SCYL3: variants seen among roughly 807,000 people sequenced by gnomAD.
The protein encoded by SCYL3 is protein-associating with the carboxyl-terminal domain of ezrin.
A neutral mutation model predicts 73.8 loss-of-function variants in SCYL3; 35 were observed. The ratio of observed to expected loss-of-function variants is 0.47; its 90% CI spans 0.36 to 0.63. The LOEUF is 0.63. Ranked by LOEUF, SCYL3 falls within the 20% of genes least tolerant of loss-of-function variation. The pLI, the probability that SCYL3 is intolerant of heterozygous loss-of-function variation, is 0.00. For missense variants in SCYL3, 712 were observed against 798.9 expected (o/e 0.89, Z 1.31); for synonymous variants, 277 against 295.2 (o/e 0.94, Z 0.63).
chr1:169,873,800 T>C (rs766313104), intron 4 of SCYL3, 48 bp from the exon 5 acceptor site: 9 of 1,347,652 alleles, frequency 6.7e-6, no homozygotes, highest in Non-Finnish European at 6.3e-6. Flanking sequence ...ATATGTTTGG[T>C]GAACTAATCT....
chr1:169,850,549 G>A lies in SCYL3; in HGVS notation c.*3164C>T. The A allele has an allele frequency of 2.3e-6, 1 of 444,326 alleles. No individual in the cohort carries two copies. The highest frequency in any genetic ancestry group is 3.0e-5 in the South Asian group (1 of 33,498). The allele number at this position is 444,326 out of a possible 1,614,324, so 27.5% of individuals were successfully genotyped here. ...GCGGCGGCTCATGCCTGTAATCCCA[G>A]CACTTTGGGAGGCCAAGGTGGGTGG... On this transcript the variant is annotated 3_prime_UTR_variant, in exon 13 of 13. Transcript: ENST00000367771.
intron 2 of SCYL3, among the ~76,000 whole-genome samples, chr1:169,881,960 A>G (rs1430201004): frequency 1.3e-5 from 2 of 152,226 alleles, no homozygotes; most frequent in South Asian, 4.1e-4. Flanking sequence ...CAGTCCTCAC[A>G]GCCCTCGCTC....
chr1:169,859,118 A>G lies in SCYL3; in HGVS notation c.1235T>C (p.Val412Ala), dbSNP rs144488400. 11 of 1,613,878 alleles carry G rather than the reference A, an allele frequency of 6.8e-6. No homozygotes were observed. Among genetic ancestry groups the G allele is most frequent in the Non-Finnish European group, 9.3e-6 (11 of 1,179,992 alleles). ...VLVSLLGPEV[V>A]VGGERTKIFK... ...GATCTTGGTTCGTTCTCCTCCCACA[A>G]CCACCTCTGGTCCAAGCAGAGAGAC... The change falls in exon 11 of 13, where the codon GTT (valine) becomes GCT (alanine). Residue 412 changes from valine to alanine, a missense_variant. This residue lies in a region of SCYL3 where 370 missense variants were observed against 350.8 expected (regional missense o/e 1.05). Coordinates refer to ENST00000367771, the MANE Select transcript of SCYL3 (RefSeq NM_020423.7).
chr1:169,886,980 G>C (rs1352006561), intron 2 of SCYL3, among the ~76,000 whole-genome samples: 1 of 152,092 alleles, frequency 6.6e-6, no homozygotes. Flanking sequence ...GAGAAAGTGA[G>C]GCAAGCTAAA....
In SCYL3 at chr1:169,851,533, T is replaced by G. The variant is rs1351889909; in HGVS notation, c.*2180A>C. 1.1e-5 allele frequency: 4 copies of G among 364,342 alleles called. No homozygotes were observed. The highest frequency in any genetic ancestry group is 2.0e-5 in the Non-Finnish European group (4 of 200,830). The allele number at this position is 364,342 out of a possible 1,614,324, so 22.6% of individuals were successfully genotyped here. ...ACATCTAAGCTGGATTTTAAGTACA[T>G]GTGTATACACTGCTGTTGCCAGTTT... On this transcript the variant is annotated 3_prime_UTR_variant, in exon 13 of 13. Transcript: ENST00000367771.
chr1:169,881,720 T>C (rs1661275712), intron 2 of SCYL3, among the ~76,000 whole-genome samples: 1 of 152,188 alleles, frequency 6.6e-6, no homozygotes, highest in Non-Finnish European at 1.5e-5. Context: ...TTTACATCAC[T>C]TAACACAGCG....
chr1:169,867,119 TTATGAGACAAATAC>T, intron 7 of SCYL3, 146 bp from the exon 8 acceptor site: 1 of 576,608 alleles, frequency 1.7e-6, no homozygotes, highest in East Asian at 3.1e-5. Flanking sequence ...ACTAAGTAGC[TTATGAGACAAATAC>T]TATGGAACAC....
intron 2 of SCYL3, among the ~76,000 whole-genome samples, chr1:169,884,345 T>A (rs1225288913): frequency 6.6e-6 from 1 of 152,192 alleles, no homozygotes; most frequent in Non-Finnish European, 1.5e-5. Flanking sequence ...TTACCCAGGC[T>A]GGAGTGCAAT....
intron 2 of SCYL3, among the ~76,000 whole-genome samples, chr1:169,882,184 T>C (rs945949956): frequency 6.6e-5 from 10 of 152,180 alleles, no homozygotes; most frequent in South Asian, 4.1e-4. Flanking sequence ...GGGCGTGGGC[T>C]TGGCAGGCCC....
chr1:169,887,618 G>A (rs1661777323), intron 2 of SCYL3, among the ~76,000 whole-genome samples: 1 of 151,974 alleles, frequency 6.6e-6, no homozygotes, highest in Admixed American at 6.5e-5. Flanking sequence ...CCTAGATGAT[G>A]TAAAAAAAGA....
At chr1:169,863,901 C>T (rs1480395364) in intron 9 of SCYL3, among the ~76,000 whole-genome samples, 1 of 151,998 alleles carries the variant, frequency 6.6e-6, no homozygotes, top group Non-Finnish European at 1.5e-5. Context: ...GTTACCATCT[C>T]TAGTGCTATA....
intron 2 of SCYL3, among the ~76,000 whole-genome samples, chr1:169,879,894 A>G (rs1661124791): frequency 6.6e-6 from 1 of 152,230 alleles, no homozygotes; most frequent in East Asian, 1.9e-4. Flanking sequence ...TAGACTCATT[A>G]ACAGAATGAA....
intron 6 of SCYL3, 106 bp from the exon 7 acceptor site, chr1:169,869,145 A>T: frequency 1.3e-6 from 1 of 799,174 alleles, no homozygotes; most frequent in Non-Finnish European, 2.1e-6. Context: ...AAGCCCAAAC[A>T]AACAAAGCCC....
intron 2 of SCYL3, among the ~76,000 whole-genome samples, chr1:169,884,688 C>T (rs1661552588): frequency 1.3e-5 from 2 of 152,206 alleles, no homozygotes; most frequent in South Asian, 4.1e-4. Flanking sequence ...AATTTTCAAA[C>T]CAAATCTTTC....
intron 2 of SCYL3, among the ~76,000 whole-genome samples, chr1:169,885,845 A>G (rs1185563583): frequency 6.6e-6 from 1 of 152,152 alleles, no homozygotes; most frequent in Admixed American, 6.5e-5. Flanking sequence ...GAAAAAGGAG[A>G]GCGTGAAGTC....
Position 169,859,069 on chromosome 1 carries a change from A to T in SCYL3, c.1284T>A (p.Phe428Leu). The change falls in exon 11 of 13, where the codon TTT (phenylalanine) becomes TTA (leucine). Residue 428 changes from phenylalanine (F) to leucine (L), a missense_variant. By Grantham distance (22) the Phe-to-Leu change is conservative (BLOSUM62 0). Transcript: ENST00000367771. ...TKIFKRTAPSFTKNTDLSLEG... is the reference protein window; with the variant it reads ...TKIFKRTAPSLTKNTDLSLEG... ...CTAGAGAAAGGTCAGTATTTTTAGT[A>T]AAACTTGGGGCAGTGCGTTTGAAGA... 1 of 1,613,564 alleles carries T rather than the reference A, an allele frequency of 6.2e-7. No homozygotes were observed.
intron 1 of SCYL3, among the ~76,000 whole-genome samples, chr1:169,890,340 T>C (rs1661990566): frequency 6.6e-6 from 1 of 152,250 alleles, no homozygotes; most frequent in Non-Finnish European, 1.5e-5. Context: ...TTTACCATAA[T>C]ATAAAAATTA....
rs777182832 is a variant in SCYL3, at chr1:169,878,836, C to T, written c.166-17G>A. ...CTTCAAATGCTTTAAAAATACAAAC[C>T]GAAGAGCTGAAGTTAATGACCCCAA... On this transcript the variant is annotated splice_polypyrimidine_tract_variant and intron_variant, in intron 2 of 12. Transcript: ENST00000367771. 1.4e-5 allele frequency: 23 copies of T among 1,594,972 alleles called. No homozygotes were observed. The highest frequency in any genetic ancestry group is 2.3e-5 in the South Asian group (2 of 88,276).
chr1:169,888,973 A>G, intron 1 of SCYL3, 83 bp from the exon 2 acceptor site: 1 of 694,732 alleles, frequency 1.4e-6, no homozygotes, highest in Non-Finnish European at 2.2e-6. Context: ...AGCCACCCCA[A>G]ACTACTAGTT....
Sources: gnomAD v4.1 joint callset for allele counts (sites outside exome capture counted in the v4.1 genomes callset) on GRCh38, gnomAD v4.1.1 for gene constraint, gnomAD v4.1.1 regional missense constraint, MANE v1.5 for transcripts, NCBI Gene and HGNC (gene_info 2026-07-23, HGNC 2026-07-21) for gene names.